The following PHACTR1 variants were observed in gnomAD, a reference collection of about 807,000 sequenced individuals.
PHACTR1 encodes RPEL repeat containing 1.
Under a neutral mutation model 69.2 loss-of-function variants are expected in PHACTR1, and 16 were observed. That is an observed-to-expected ratio of 0.23 (90% confidence interval 0.16 to 0.35). The LOEUF is 0.35. PHACTR1 is among the 10% of genes least tolerant of loss of function. PHACTR1 has a pLI of 1.00. For missense variants in PHACTR1, 510 were observed against 734.7 expected, an observed-to-expected ratio of 0.69 and a Z score of 3.54; for synonymous variants, 312 against 284.5, an observed-to-expected ratio of 1.10 and a Z score of -0.97.
chr6:13,177,208 G>A (rs1761458855), intron 6 of PHACTR1, among the ~76,000 whole-genome samples: 2 of 125,874 alleles, frequency 1.6e-5, no homozygotes, highest in South Asian at 2.4e-4. Flanking sequence ...AAAAAATCCA[G>A]GCATGGTAGT....
At chr6:12,808,032 A>G (rs1433814768) in intron 4 of PHACTR1, among the ~76,000 whole-genome samples, 1 of 152,194 alleles carries the variant, frequency 6.6e-6, no homozygotes, top group Non-Finnish European at 1.5e-5. Flanking sequence ...CACTTAGTCT[A>G]CTGGACCTAA....
At chr6:13,014,721 G>A (rs979238953) in intron 4 of PHACTR1, among the ~76,000 whole-genome samples, 1 of 152,120 alleles carries the variant, frequency 6.6e-6, no homozygotes, top group African/African-American at 2.4e-5. Flanking sequence ...AGACCAAAAT[G>A]TGGAGAGGTG....
intron 7 of PHACTR1, among the ~76,000 whole-genome samples, chr6:13,191,657 G>C (rs1763617002): frequency 6.6e-6 from 1 of 152,196 alleles, no homozygotes; most frequent in Non-Finnish European, 1.5e-5. Flanking sequence ...TCTGGCTCTG[G>C]ACTGGCTTGT....
At chr6:13,276,480 C>CCTGT (rs57577947) in intron 11 of PHACTR1, among the ~76,000 whole-genome samples, 22,998 of 152,162 alleles carry the variant, frequency 0.15, 2,109 homozygotes, top group South Asian at 0.32. Context: ...CCTTTAAAGA[C>CCTGT]CTGTCCCAAG....
At chr6:12,957,808 CCACGTGGGAG>C in intron 4 of PHACTR1, 1 of 985,578 alleles carries the variant, frequency 1.0e-6, no homozygotes, top group South Asian at 4.7e-5. Flanking sequence ...CCATTCCATC[CCACGTGGGAG>C]CTGGTCAGCG....
chr6:13,117,198 C>T (rs910049841), intron 5 of PHACTR1, among the ~76,000 whole-genome samples: 12 of 152,318 alleles, frequency 7.9e-5, no homozygotes, highest in African/African-American at 2.9e-4. Context: ...TTGGATTCTC[C>T]TTTAAATTAA....
chr6:13,084,472 A>G (rs1168912497), intron 5 of PHACTR1, among the ~76,000 whole-genome samples: 2 of 151,902 alleles, frequency 1.3e-5, no homozygotes, highest in African/African-American at 2.4e-5. Flanking sequence ...ATGTATACCT[A>G]TGTAACAAAC....
At chr6:12,731,123 C>A (rs1332890719) in intron 3 of PHACTR1, among the ~76,000 whole-genome samples, 1 of 151,880 alleles carries the variant, frequency 6.6e-6, no homozygotes, top group Non-Finnish European at 1.5e-5. Flanking sequence ...TCAAGCAATT[C>A]TCCTGCCTCA....
At chr6:13,160,907 G>A (rs547203040) in intron 6 of PHACTR1, among the ~76,000 whole-genome samples, 1 of 152,176 alleles carries the variant, frequency 6.6e-6, no homozygotes, top group Non-Finnish European at 1.5e-5. Flanking sequence ...GAATATGAAC[G>A]TATGCAGTGA....
At chr6:12,965,833 A>G (rs1793416459) in intron 4 of PHACTR1, among the ~76,000 whole-genome samples, 1 of 152,216 alleles carries the variant, frequency 6.6e-6, no homozygotes, top group East Asian at 1.9e-4. Context: ...ACTGCCATAA[A>G]TAGTGAGACT....
chr6:13,140,642 A>G (rs925567072), intron 5 of PHACTR1, among the ~76,000 whole-genome samples: 2 of 152,204 alleles, frequency 1.3e-5, no homozygotes, highest in Non-Finnish European at 2.9e-5. Flanking sequence ...TTGTAGGGGA[A>G]TGAGGAGTTA....
Position 12,929,858 on chromosome 6 carries a change from A to C in PHACTR1, c.251-123507A>C, listed in dbSNP as rs530595712. 1.5e-3 allele frequency among the ~76,000 whole-genome samples: 235 copies of C among 152,318 alleles called. 1 individual carries two copies. The highest frequency in any genetic ancestry group is 5.3e-3 in the African/African-American group (220 of 41,568). ...ATTTTAATTTTCTATGAATGCCTTC[A>C]TGGCACTTCCTGCTTGCGTAACCAT... On this transcript the variant is annotated intron_variant, in intron 4 of 14. Coordinates refer to ENST00000332995, the MANE Select transcript of PHACTR1 (RefSeq NM_030948.6).
At chr6:12,833,616 C>T (rs570199247) in intron 4 of PHACTR1, among the ~76,000 whole-genome samples, 16 of 152,294 alleles carry the variant, frequency 1.1e-4, no homozygotes, top group African/African-American at 7.2e-5. Context: ...TTCATCACCA[C>T]GTTCATTGTA....
intron 10 of PHACTR1, among the ~76,000 whole-genome samples, chr6:13,232,750 G>A (rs149038334): frequency 6.6e-6 from 1 of 152,054 alleles, no homozygotes; most frequent in African/African-American, 2.4e-5. Context: ...TCTCGGTTCT[G>A]AGGGTGGTTG....
rs556790372 is a variant in PHACTR1, at chr6:13,120,454, A to G, written c.416-39750A>G. 5.9e-5 allele frequency among the ~76,000 whole-genome samples: 9 copies of G among 152,366 alleles called. No individual in the cohort carries two copies. The East Asian group carries it at 1.7e-3, about 29-fold the overall frequency. On this transcript the variant is annotated intron_variant, in intron 5 of 14. Transcript: ENST00000332995. The stretch of plus-strand genomic sequence containing the variant: ...CTTAAATGAGTTAAGGACAGAGTCC[A>G]GGAAGGCTGACTGTCGAAGCACGCT...
chr6:13,199,243 T>C (rs555155760), intron 7 of PHACTR1, among the ~76,000 whole-genome samples: 56 of 152,012 alleles, frequency 3.7e-4, no homozygotes, highest in African/African-American at 1.1e-3. Flanking sequence ...AAAAATTAGC[T>C]GGGCTTGGTG....
chr6:12,994,013 T>A (rs1267084928), intron 4 of PHACTR1, among the ~76,000 whole-genome samples: 1 of 152,010 alleles, frequency 6.6e-6, no homozygotes, highest in Non-Finnish European at 1.5e-5. Context: ...ATCAAATACA[T>A]ATGCTTACAA....
chr6:13,141,350 C>T (rs1337714637), intron 5 of PHACTR1, among the ~76,000 whole-genome samples: 2 of 152,144 alleles, frequency 1.3e-5, no homozygotes, highest in South Asian at 2.1e-4. Flanking sequence ...GAACAAAGCT[C>T]CATTCATGAT....
At chr6:13,276,796 T>A (rs1779009746) in intron 11 of PHACTR1, among the ~76,000 whole-genome samples, 1 of 151,640 alleles carries the variant, frequency 6.6e-6, no homozygotes, top group South Asian at 2.1e-4. Flanking sequence ...TTAAAAAAAT[T>A]TAAAAAATAA....
Sources: gnomAD v4.1 joint callset for allele counts (sites outside exome capture counted in the v4.1 genomes callset) on GRCh38, gnomAD v4.1.1 for gene constraint, MANE v1.5 for transcripts, NCBI Gene and HGNC (gene_info 2026-07-23, HGNC 2026-07-21) for gene names.